SLC27A2: variants seen among roughly 807,000 people sequenced by gnomAD.
The protein encoded by SLC27A2 is long-chain fatty acid transport protein 2.
A neutral mutation model predicts 60.0 loss-of-function variants in SLC27A2; 54 were observed. The ratio of observed to expected loss-of-function variants is 0.90; its 90% CI spans 0.72 to 1.13. The LOEUF (loss-of-function observed/expected upper bound fraction) is 1.13, where lower values mean the gene tolerates loss of function less well. Among genes scored for constraint, SLC27A2 ranks in the 50% most tolerant of loss-of-function variants. SLC27A2 has a pLI of 0.00. For missense variants in SLC27A2, 739 were observed against 777.6 expected (o/e 0.95, Z 0.59); for synonymous variants, 297 against 297.6 (o/e 1.00, Z 0.02).
intron 5 of SLC27A2, among the ~76,000 whole-genome samples, chr15:50,224,890 A>G (rs1177755097): frequency 6.6e-6 from 1 of 151,868 alleles, no homozygotes; most frequent in Non-Finnish European, 1.5e-5. Context: ...CCTACACCCC[A>G]CTGGAACTGC....
chr15:50,207,293 C>G (rs2140904603), intron 4 of SLC27A2, among the ~76,000 whole-genome samples: 1 of 152,256 alleles, frequency 6.6e-6, no homozygotes, highest in South Asian at 2.1e-4. Flanking sequence ...GTCTCAAATA[C>G]TGGAAAACAA....
chr15:50,210,803 T>C (rs1400855614), intron 4 of SLC27A2, among the ~76,000 whole-genome samples: 5 of 152,150 alleles, frequency 3.3e-5, no homozygotes, highest in Non-Finnish European at 7.4e-5. Flanking sequence ...GGGGGCACGG[T>C]GGGAGTGAGA....
At chr15:50,233,795 CCA>C (rs2045331095) in intron 8 of SLC27A2, 71 bp from the exon 9 acceptor site, 2 of 1,356,106 alleles carry the variant, frequency 1.5e-6, no homozygotes, top group East Asian at 2.5e-5. Flanking sequence ...TTGTCTGAGC[CCA>C]CAGTTCTTTG....
chr15:50,200,046 A>G (rs747086147), intron 2 of SLC27A2, among the ~76,000 whole-genome samples: 2 of 152,246 alleles, frequency 1.3e-5, no homozygotes, highest in Non-Finnish European at 2.9e-5. Context: ...AATAGTTACC[A>G]GATATTCTCA....
At chr15:50,204,732 CAAAAAA>C (rs573394987) in intron 3 of SLC27A2, among the ~76,000 whole-genome samples, 2 of 139,614 alleles carry the variant, frequency 1.4e-5, no homozygotes, top group Non-Finnish European at 3.1e-5. Context: ...GACTCTGTCT[CAAAAAA>C]AGAAAAAAAA....
intron 1 of SLC27A2, among the ~76,000 whole-genome samples, chr15:50,184,114 T>C (rs1287560305): frequency 6.7e-6 from 1 of 149,208 alleles, no homozygotes; most frequent in Non-Finnish European, 1.5e-5. Context: ...GCTCAGCCTC[T>C]CAAGTAGCTG....
chr15:50,209,556 G>A (rs944465222), intron 4 of SLC27A2, among the ~76,000 whole-genome samples: 4 of 152,140 alleles, frequency 2.6e-5, no homozygotes, highest in Non-Finnish European at 5.9e-5. Context: ...CTGAGGGGCT[G>A]GGTCAGGTGG....
At chr15:50,206,640 A>C (rs910781599) in intron 4 of SLC27A2, among the ~76,000 whole-genome samples, 1 of 152,128 alleles carries the variant, frequency 6.6e-6, no homozygotes, top group Non-Finnish European at 1.5e-5. Context: ...GTCACTCCTG[A>C]CATAGTAAAG....
intron 2 of SLC27A2, among the ~76,000 whole-genome samples, chr15:50,201,797 C>T (rs184202956): frequency 1.1e-3 from 175 of 152,180 alleles, no homozygotes; most frequent in African/African-American, 4.0e-3. Context: ...CCTTGTGATC[C>T]GCCCGCCTCA....
chr15:50,236,040 G>A lies in SLC27A2; in HGVS notation c.1807G>A (p.Val603Met). The A allele has an allele frequency of 1.2e-6, 2 of 1,614,070 alleles. No individual in the cohort carries two copies. Among genetic ancestry groups the A allele is most frequent in the Non-Finnish European group, 1.7e-6 (2 of 1,179,982 alleles). The change falls in exon 10 of 10, where the codon GTG becomes ATG. Residue 603 changes from valine (V) to methionine (M), a missense_variant. Coordinates refer to ENST00000267842, the MANE Select transcript of SLC27A2 (RefSeq NM_003645.4). Reference protein sequence around the residue: ...YFLDDTAKMYVPMTEDIYNAI... With the variant: ...YFLDDTAKMYMPMTEDIYNAI... ...CTTGGATGACACAGCAAAAATGTAT[G>A]TGCCTATGACTGAGGACATCTATAA...
chr15:50,216,992 A>G (rs2045202732), intron 4 of SLC27A2, among the ~76,000 whole-genome samples: 1 of 151,664 alleles, frequency 6.6e-6, no homozygotes, highest in African/African-American at 2.4e-5. Flanking sequence ...GAAGTAACTC[A>G]GGAATGGAAA....
chr15:50,197,882 G>A (rs764384822), intron 2 of SLC27A2, among the ~76,000 whole-genome samples, 173 bp downstream of exon 2: 2 of 152,132 alleles, frequency 1.3e-5, no homozygotes, highest in Non-Finnish European at 2.9e-5. Context: ...TCCCATTTGC[G>A]TTTCTCCAAG....
At chr15:50,196,086 ATATATATATAT>A (rs2045019801) in intron 1 of SLC27A2, among the ~76,000 whole-genome samples, 4 of 8,516 alleles carry the variant, frequency 4.7e-4, no homozygotes, top group Non-Finnish European at 2.0e-4. Flanking sequence ...AAATATATAT[ATATATATATAT>A]ATATATATAT....
chr15:50,196,595 C>CTGT (rs2045025573), intron 1 of SLC27A2, among the ~76,000 whole-genome samples: 1 of 152,106 alleles, frequency 6.6e-6, no homozygotes, highest in South Asian at 2.1e-4. Context: ...GTCAGTAGAA[C>CTGT]TGTTACCTTT....
At chr15:50,184,930 C>T (rs1050884890) in intron 1 of SLC27A2, among the ~76,000 whole-genome samples, 6 of 152,310 alleles carry the variant, frequency 3.9e-5, no homozygotes, top group Non-Finnish European at 4.4e-5. Context: ...TTTCTAGCTG[C>T]CTGAGAAAAG....
intron 4 of SLC27A2, among the ~76,000 whole-genome samples, chr15:50,220,881 G>A (rs1428151897): frequency 3.3e-5 from 5 of 152,154 alleles, no homozygotes; most frequent in African/African-American, 7.2e-5. Context: ...ATAAAGCGGG[G>A]TAGAGTCAGT....
At chr15:50,206,929 G>A (rs75018382) in intron 4 of SLC27A2, among the ~76,000 whole-genome samples, 1,886 of 152,288 alleles carry the variant, frequency 0.012, 44 homozygotes, top group African/African-American at 0.043. Flanking sequence ...ATCATTAGCA[G>A]TGAGTTGGGT....
rs2045256757 is a variant in SLC27A2, at chr15:50,223,265, G to C, written c.1167+106G>C. On this transcript the variant is annotated intron_variant, in intron 5 of 9. Transcript: ENST00000267842. ...TTATCAGAAGTCAGGCAGCATCAGA[G>C]CCATGGCCCATTCCTATCACCAAGA... 6 of 757,716 alleles carry C rather than the reference G, an allele frequency of 7.9e-6. No homozygotes were observed. In the South Asian group the frequency reaches 1.2e-4, roughly 15 times the overall value. 46.9% of individuals were successfully genotyped at this position (757,716 alleles called of 1,614,324 possible).
At chr15:50,190,280 T>G (rs555762384) in intron 1 of SLC27A2, among the ~76,000 whole-genome samples, 1 of 152,372 alleles carries the variant, frequency 6.6e-6, no homozygotes, top group African/African-American at 2.4e-5. Context: ...GTTGCTTTTC[T>G]GAATGAAGAA....
Sources: gnomAD v4.1 joint callset for allele counts (sites outside exome capture counted in the v4.1 genomes callset) on GRCh38, gnomAD v4.1.1 for gene constraint, MANE v1.5 for transcripts, NCBI Gene and HGNC (gene_info 2026-07-23, HGNC 2026-07-21) for gene names.